Variants in PRKCQ observed in about 807,000 individuals in gnomAD.
PRKCQ encodes protein kinase C theta.
A neutral mutation model predicts 91.2 loss-of-function variants in PRKCQ; 41 were observed. The ratio of observed to expected loss-of-function variants is 0.45; its 90% CI spans 0.35 to 0.58. The LOEUF is 0.58. Among genes scored for constraint, PRKCQ ranks in the 20% least tolerant of loss-of-function variants. PRKCQ has a pLI of 0.00. For synonymous variants in PRKCQ, 307 were observed against 316.9 expected, an observed-to-expected ratio of 0.97 and a Z score of 0.33; for missense variants, 673 against 896.5, an observed-to-expected ratio of 0.75 and a Z score of 3.18.
rs761621027 is a variant in PRKCQ at position 6,485,303 on chromosome 10, C to T, written c.901-34G>A. ...CAAACAGAGAGTCAGACCACCCACC[C>T]ACCCACCATTGATGGAACAGCTCAG... On this transcript the variant is annotated intron_variant, in intron 9 of 17. Transcript: ENST00000263125. 7 of 1,546,572 alleles carry T rather than the reference C, an allele frequency of 4.5e-6. No homozygotes were observed. The East Asian group carries it at 1.3e-4, about 30-fold the overall frequency.
At chr10:6,577,171 T>C (rs1841271527) in intron 1 of PRKCQ, among the ~76,000 whole-genome samples, 1 of 152,220 alleles carries the variant, frequency 6.6e-6, no homozygotes, top group Non-Finnish European at 1.5e-5. Flanking sequence ...AAATCTATGA[T>C]TCTGGGCTTG....
intron 1 of PRKCQ, among the ~76,000 whole-genome samples, chr10:6,535,891 G>C (rs1231554394): frequency 6.6e-6 from 1 of 152,142 alleles, no homozygotes; most frequent in Non-Finnish European, 1.5e-5. Context: ...ATTTGCCATC[G>C]ATCTATGAGG....
At chr10:6,508,209 A>G (rs1460212841) in intron 3 of PRKCQ, among the ~76,000 whole-genome samples, 1 of 152,248 alleles carries the variant, frequency 6.6e-6, no homozygotes, top group East Asian at 1.9e-4. Flanking sequence ...AGAAGAAAGG[A>G]CAAATCCAAG....
rs776113101 is a variant in PRKCQ, at chr10:6,511,118, G to A, written c.195C>T (p.Asn65=). 46 of 1,614,012 alleles carry A rather than the reference G, an allele frequency of 2.9e-5. No individual in the cohort carries two copies. The highest frequency in any genetic ancestry group is 2.2e-4 in the Admixed American group (13 of 59,996). The change falls in exon 3 of 18, where the codon AAC becomes AAT. Residue 65 remains asparagine (N), a synonymous_variant. Coordinates refer to ENST00000263125, the MANE Select transcript of PRKCQ (RefSeq NM_006257.5). The part of the protein sequence containing the change: ...PWDSTFDAHI[N]KGRVMQIIVK... ...CAATGATCTGCATGACTCTTCCCTT[G>A]TTGATATGGGCATCAAAAGTGCTGT...
At position 6,428,010 on chromosome 10, in the gene PRKCQ, A is replaced by G; in HGVS notation, c.*197T>C. On this transcript the variant is annotated 3_prime_UTR_variant, in exon 18 of 18. Coordinates refer to ENST00000263125, the MANE Select transcript of PRKCQ (RefSeq NM_006257.5). ...CGTCTGTGAGACATGTCAGGAGACG[A>G]GACACACGGCATCGTCATTAGTGAA... 1.6e-6 allele frequency: 1 copy of G among 634,348 alleles called. No individual in the cohort carries two copies. The highest frequency in any genetic ancestry group is 2.7e-6 in the Non-Finnish European group (1 of 372,124). The allele number at this position is 634,348 out of a possible 1,614,324, so 39.3% of individuals were successfully genotyped here.
chr10:6,531,773 G>A (rs942489710), intron 1 of PRKCQ, among the ~76,000 whole-genome samples: 7 of 152,096 alleles, frequency 4.6e-5, no homozygotes, highest in African/African-American at 1.7e-4. Context: ...ATTATAATAA[G>A]ACAGGAAATA....
the PRKCQ span, among the ~76,000 whole-genome samples, chr10:6,403,472 C>T: frequency 1.4e-4 from 21 of 152,314 alleles, 1 homozygote; most frequent in Admixed American, 9.1e-4. Flanking sequence ...TCTGCTATCT[C>T]TGGGGCATAT....
At chr10:6,404,660 T>C in the PRKCQ span, among the ~76,000 whole-genome samples, 1 of 145,736 alleles carries the variant, frequency 6.9e-6, no homozygotes, top group African/African-American at 2.6e-5. Flanking sequence ...TTTTTTCTCT[T>C]TTTCTTTCTC....
intron 11 of PRKCQ, among the ~76,000 whole-genome samples, chr10:6,482,859 TACTC>T (rs1836681628): frequency 6.6e-6 from 1 of 151,822 alleles, no homozygotes; most frequent in Non-Finnish European, 1.5e-5. Flanking sequence ...TCATGAGACT[TACTC>T]ACTATCATGG....
chr10:6,488,506 C>T (rs1167066322), intron 8 of PRKCQ, among the ~76,000 whole-genome samples: 1 of 151,986 alleles, frequency 6.6e-6, no homozygotes, highest in East Asian at 1.9e-4. Flanking sequence ...CTGCCTCAGC[C>T]TCCTGAGTAG....
At position 6,531,055 on chromosome 10, in the gene PRKCQ, C is replaced by T. The variant is rs539919385; in HGVS notation, c.-9-15911G>A. ...TCACCTGTCAGCAGGGTGGAGCCCA[C>T]ATGTTCTCAGAGATGGTCCTGGAGA... On this transcript the variant is annotated intron_variant, in intron 1 of 17. Coordinates refer to ENST00000263125, the MANE Select transcript of PRKCQ (RefSeq NM_006257.5). 2.5e-4 allele frequency among the ~76,000 whole-genome samples: 6 copies of T among 23,804 alleles called. No individual in the cohort carries two copies. In the South Asian group the frequency reaches 0.014, roughly 57 times the overall value. The allele number at this position is 23,804 out of a possible 152,430, so 15.6% of individuals were successfully genotyped here. A position where few individuals can be genotyped will look rare whatever the true frequency, so the allele number is the denominator to read the frequency against.
the PRKCQ span, among the ~76,000 whole-genome samples, chr10:6,411,584 A>G: frequency 2.0e-5 from 3 of 152,242 alleles, no homozygotes; most frequent in Non-Finnish European, 4.4e-5. Context: ...CTTTAGACCG[A>G]ACCCTGTTCT....
chr10:6,413,942 A>C, the PRKCQ span, among the ~76,000 whole-genome samples: 3 of 152,264 alleles, frequency 2.0e-5, no homozygotes, highest in Non-Finnish European at 4.4e-5. Context: ...CACCAGAAAC[A>C]ACCAAAATCT....
At chr10:6,408,046 GTTTTTTTTTTTTTTT>G in the PRKCQ span, among the ~76,000 whole-genome samples, 2 of 84,228 alleles carry the variant, frequency 2.4e-5, no homozygotes, top group South Asian at 4.5e-4. Flanking sequence ...TCTTGTGTCA[GTTTTTTTTTTTTTTT>G]TTTTTTTTTT....
chr10:6,523,429 C>A (rs1361593708), intron 1 of PRKCQ, among the ~76,000 whole-genome samples: 1 of 152,026 alleles, frequency 6.6e-6, no homozygotes, highest in East Asian at 1.9e-4. Flanking sequence ...CCAGCCTGGG[C>A]GACAAAGCAA....
chr10:6,527,552 A>G (rs1195918451), intron 1 of PRKCQ, among the ~76,000 whole-genome samples: 1 of 152,106 alleles, frequency 6.6e-6, no homozygotes, highest in Middle Eastern at 3.2e-3. Flanking sequence ...GATCTGATGG[A>G]TACGTTTGTA....
intron 1 of PRKCQ, among the ~76,000 whole-genome samples, chr10:6,548,877 TATA>T (rs944378383): frequency 2.0e-4 from 31 of 152,084 alleles, no homozygotes; most frequent in Non-Finnish European, 3.2e-4. Flanking sequence ...AAACTTAAAG[TATA>T]ATAATAATAA....
At chr10:6,433,330 C>G (rs1268540157) in intron 16 of PRKCQ, among the ~76,000 whole-genome samples, 1 of 152,152 alleles carries the variant, frequency 6.6e-6, no homozygotes, top group Non-Finnish European at 1.5e-5. Context: ...CACATTGTAT[C>G]TTTTTTCCAA....
At chr10:6,404,383 G>A in the PRKCQ span, among the ~76,000 whole-genome samples, 1 of 120,246 alleles carries the variant, frequency 8.3e-6, no homozygotes, top group Non-Finnish European at 1.9e-5. Flanking sequence ...TCTTTCTTTC[G>A]TTCTTTCTTT....
Sources: gnomAD v4.1 joint callset for allele counts (sites outside exome capture counted in the v4.1 genomes callset) on GRCh38, gnomAD v4.1.1 for gene constraint, MANE v1.5 for transcripts, NCBI Gene and HGNC (gene_info 2026-07-23, HGNC 2026-07-21) for gene names.